Variants in PLSCR4 observed in about 807,000 individuals in gnomAD.
PLSCR4 encodes the protein phospholipid scramblase 4.
Under a neutral mutation model 36.3 loss-of-function variants are expected in PLSCR4, and 25 were observed. The ratio of observed to expected loss-of-function variants is 0.69; its 90% CI spans 0.50 to 0.96. PLSCR4 has a LOEUF of 0.96. Ranked by LOEUF, PLSCR4 falls within the 40% of genes least tolerant of loss-of-function variation. The pLI is 0.00. For synonymous variants in PLSCR4, 122 were observed against 132.9 expected (o/e 0.92, Z 0.56); for missense variants, 408 against 414.7 (o/e 0.98, Z 0.14).
chr3:146,230,716 T>C (rs1437074833), intron 1 of PLSCR4, among the ~76,000 whole-genome samples: 2 of 152,132 alleles, frequency 1.3e-5, no homozygotes, highest in African/African-American at 4.8e-5. Context: ...GGAAGAAAAT[T>C]CGCAGCAGTA....
intron 4 of PLSCR4, among the ~76,000 whole-genome samples, chr3:146,204,601 T>A (rs2034222683): frequency 6.6e-6 from 1 of 152,002 alleles, no homozygotes; most frequent in Non-Finnish European, 1.5e-5. Context: ...ATTTTTTCAC[T>A]TATTTCTTTA....
chr3:146,224,238 GAATA>G (rs1324482133), intron 1 of PLSCR4, among the ~76,000 whole-genome samples: 13 of 152,124 alleles, frequency 8.5e-5, no homozygotes, highest in Admixed American at 2.6e-4. Flanking sequence ...ATGGTAGACT[GAATA>G]AATAAATTCT....
In PLSCR4 at chr3:146,242,604, G is replaced by A. The variant is rs970716110; in HGVS notation, c.-22+8356C>T. Among the ~76,000 whole-genome samples the A allele has an allele frequency of 3.3e-5, 5 of 152,282 alleles. No homozygotes were observed. The East Asian group carries it at 5.8e-4, about 18-fold the overall frequency. Reference sequence around the variant, plus strand: ...CTCAACTCAGTTAGTAGGTAGGAAAGGTTAATAAAAGACATAGAATCATGG... The same window carrying A: ...CTCAACTCAGTTAGTAGGTAGGAAAAGTTAATAAAAGACATAGAATCATGG... On this transcript the variant is annotated intron_variant, in intron 1 of 8. Transcript: ENST00000354952.
intron 1 of PLSCR4, among the ~76,000 whole-genome samples, chr3:146,225,470 G>C (rs1327572214): frequency 2.0e-5 from 3 of 152,212 alleles, no homozygotes; most frequent in Non-Finnish European, 2.9e-5. Flanking sequence ...GACTGGGTGC[G>C]GTGGAGCAGG....
chr3:146,220,941 G>A lies in PLSCR4; in HGVS notation c.8-16C>T, dbSNP rs376603349. 54 of 1,476,136 alleles carry A rather than the reference G, an allele frequency of 3.7e-5. No homozygotes were observed. Among genetic ancestry groups the A allele is most frequent in the Non-Finnish European group, 4.8e-5 (51 of 1,061,640 alleles). The allele number at this position is 1,476,136 out of a possible 1,614,324, so 91.4% of individuals were successfully genotyped here. A position where few individuals can be genotyped will look rare whatever the true frequency, so the allele number is the denominator to read the frequency against. The stretch of plus-strand genomic sequence containing the variant: ...GGTACCACACCTTCAGGGGAAGACA[G>A]GGAACATGACTTACAAAGGAAACAA... On this transcript the variant is annotated splice_polypyrimidine_tract_variant and intron_variant, in intron 2 of 8. Coordinates refer to ENST00000354952, the MANE Select transcript of PLSCR4 (RefSeq NM_020353.3).
chr3:146,216,215 G>A (rs1342484262), intron 3 of PLSCR4, among the ~76,000 whole-genome samples: 2 of 151,962 alleles, frequency 1.3e-5, no homozygotes, highest in South Asian at 2.1e-4. Flanking sequence ...TGGGCAACAC[G>A]GCAGCATTCT....
Position 146,200,041 on chromosome 3 carries a change from TA to T in PLSCR4, c.398-3del, listed in dbSNP as rs747783148. 5.9e-5 allele frequency: 88 copies of T among 1,492,530 alleles called. No individual in the cohort carries two copies. In the Admixed American group the frequency reaches 1.5e-3, roughly 25 times the overall value. The allele number at this position is 1,492,530 out of a possible 1,614,324, so 92.5% of individuals were successfully genotyped here. A position where few individuals can be genotyped will look rare whatever the true frequency, so the allele number is the denominator to read the frequency against. On this transcript the variant is annotated splice_region_variant and splice_polypyrimidine_tract_variant and intron_variant, in intron 5 of 8. Transcript: ENST00000354952. ...TATTAGTTTCAAAACATGTCATCAC[TA>T]AAAAATAAAATGAGTAAGTCTATAT...
chr3:146,218,263 C>T (rs1259587764), intron 3 of PLSCR4, among the ~76,000 whole-genome samples: 2 of 151,920 alleles, frequency 1.3e-5, no homozygotes, highest in East Asian at 1.9e-4. Context: ...AATCAGATAT[C>T]CATACCTTCT....
intron 6 of PLSCR4, among the ~76,000 whole-genome samples, chr3:146,199,423 C>A (rs1398415373): frequency 6.6e-6 from 1 of 152,032 alleles, no homozygotes; most frequent in Non-Finnish European, 1.5e-5. Flanking sequence ...GTGATGGGTA[C>A]TCTAAACATA....
intron 3 of PLSCR4, among the ~76,000 whole-genome samples, chr3:146,208,235 G>C (rs542208435): frequency 6.6e-6 from 1 of 152,228 alleles, no homozygotes; most frequent in East Asian, 1.9e-4. Context: ...ACATGTATGA[G>C]AATGAAACTG....
In PLSCR4 at chr3:146,194,509, A is replaced by G. The variant is rs964293322; in HGVS notation, c.946-54T>C. 6 of 1,044,320 alleles carry G rather than the reference A, an allele frequency of 5.7e-6. No individual in the cohort carries two copies. The African/African-American group carries it at 6.3e-5, about 11-fold the overall frequency. The allele number at this position is 1,044,320 out of a possible 1,614,324, so 64.7% of individuals were successfully genotyped here. A position where few individuals can be genotyped will look rare whatever the true frequency, so the allele number is the denominator to read the frequency against. The stretch of plus-strand genomic sequence containing the variant: ...ATATATAGATAATTAGGTATAATGC[A>G]TGCGGTATTATCCTTTGTAATTTAT... On this transcript the variant is annotated intron_variant, in intron 8 of 8. Coordinates refer to ENST00000354952, the MANE Select transcript of PLSCR4 (RefSeq NM_020353.3).
At chr3:146,224,509 G>A (rs1238425444) in intron 1 of PLSCR4, among the ~76,000 whole-genome samples, 1 of 149,472 alleles carries the variant, frequency 6.7e-6, no homozygotes, top group African/African-American at 2.6e-5. Flanking sequence ...CGATGTATTC[G>A]GAGTTTCTTC....
At chr3:146,226,840 C>T (rs1239202865) in intron 1 of PLSCR4, among the ~76,000 whole-genome samples, 3 of 152,138 alleles carry the variant, frequency 2.0e-5, no homozygotes, top group Admixed American at 1.3e-4. Context: ...TAAAGTATTA[C>T]AAAGCAACTA....
intron 1 of PLSCR4, among the ~76,000 whole-genome samples, chr3:146,235,916 T>C (rs569338304): frequency 1.2e-4 from 19 of 152,216 alleles, no homozygotes; most frequent in African/African-American, 4.1e-4. Context: ...GGAATGATGA[T>C]TTCGGGTAAC....
chr3:146,201,172 A>G (rs2034029781), intron 4 of PLSCR4, 95 bp from the exon 5 acceptor site: 1 of 714,290 alleles, frequency 1.4e-6, no homozygotes, highest in East Asian at 3.0e-5. Context: ...AAAATGCATC[A>G]ATTGATACCA....
Position 146,196,707 on chromosome 3 carries a change from A to G in PLSCR4, c.711T>C (p.Asn237=), listed in dbSNP as rs2033762316. The change falls in exon 7 of 9, where the codon AAT becomes AAC. Residue 237 remains asparagine (N), a synonymous_variant. Transcript: ENST00000354952. ...NLCRAVYSIQ[N]EKKENVMRVR... ...CTCTCATCACATTTTCTTTCTTCTC[A>G]TTTTGGATGCTGTACACCGCCCTGC... 1.9e-6 allele frequency: 3 copies of G among 1,613,282 alleles called. No individual in the cohort carries two copies. The highest frequency in any genetic ancestry group is 2.5e-6 in the Non-Finnish European group (3 of 1,179,416).
rs1313301849 is a variant in PLSCR4 at position 146,211,728 on chromosome 3, T to C, written c.119-4967A>G. Among the ~76,000 whole-genome samples, 4 of 152,126 alleles carry C rather than the reference T, an allele frequency of 2.6e-5. No homozygotes were observed. The East Asian group carries it at 7.7e-4, about 29-fold the overall frequency. On this transcript the variant is annotated intron_variant, in intron 3 of 8. Coordinates refer to ENST00000354952, the MANE Select transcript of PLSCR4 (RefSeq NM_020353.3). ...ATAGATCTTTGATTCATTTAGAGTT[T>C]TTGTGTTTAGGGTGAGACAGTTTCA...
chr3:146,196,884 C>A, intron 6 of PLSCR4, 91 bp from the exon 7 acceptor site: 2 of 1,091,564 alleles, frequency 1.8e-6, no homozygotes, highest in Non-Finnish European at 2.7e-6. Flanking sequence ...TGTGTCCTCA[C>A]TCATTCAAAG....
At chr3:146,206,826 T>C (rs959568841) in intron 3 of PLSCR4, 65 bp from the exon 4 acceptor site, 1 of 986,316 alleles carries the variant, frequency 1.0e-6, no homozygotes. Context: ...ACTTTTTACA[T>C]GCGATGAAAT....
Sources: gnomAD v4.1 joint callset for allele counts (sites outside exome capture counted in the v4.1 genomes callset) on GRCh38, gnomAD v4.1.1 for gene constraint, MANE v1.5 for transcripts, NCBI Gene and HGNC (gene_info 2026-07-23, HGNC 2026-07-21) for gene names.